The following TMPRSS15 variants were observed in gnomAD, a reference collection of about 807,000 sequenced individuals.
The protein encoded by TMPRSS15 is enteropeptidase.
Under a neutral mutation model 125.3 loss-of-function variants are expected in TMPRSS15, and 128 were observed. The ratio of observed to expected loss-of-function variants is 1.02; its 90% CI spans 0.89 to 1.18. TMPRSS15 has a LOEUF of 1.18. TMPRSS15 is among the 50% of genes most tolerant of loss of function. The probability of loss-of-function intolerance (pLI) is 0.00; values close to 1 mark genes in which losing one functional copy is unlikely to be tolerated. For missense variants in TMPRSS15, 1,283 were observed against 1,212.7 expected, an observed-to-expected ratio of 1.06 and a Z score of -0.86; for synonymous variants, 446 against 423.2, an observed-to-expected ratio of 1.05 and a Z score of -0.66.
intron 1 of TMPRSS15, among the ~76,000 whole-genome samples, chr21:18,440,372 C>CAAAAAAAAAAAAAAAAAAAAA (rs539968323): frequency 1.1e-4 from 5 of 47,428 alleles, no homozygotes; most frequent in African/African-American, 3.3e-4. Context: ...AACTCCGTCT[C>CAAAAAAAAAAAAAAAAAAAAA]AAAAAAAAAA....
At chr21:18,326,679 A>T (rs2075294834) in intron 15 of TMPRSS15, 107 bp from the exon 16 acceptor site, 1 of 1,322,772 alleles carries the variant, frequency 7.6e-7, no homozygotes, top group East Asian at 2.3e-5. Context: ...TACATGTTAC[A>T]TGGCTCGCTC....
chr21:18,345,382 C>A (rs1333116114), intron 10 of TMPRSS15, among the ~76,000 whole-genome samples: 1 of 152,040 alleles, frequency 6.6e-6, no homozygotes, highest in Non-Finnish European at 1.5e-5. Flanking sequence ...TGCACAACTC[C>A]AAATCGCTTT....
At chr21:18,475,373 T>G (rs1477055985) in intron 1 of TMPRSS15, among the ~76,000 whole-genome samples, 1 of 152,156 alleles carries the variant, frequency 6.6e-6, no homozygotes. Flanking sequence ...GAGGATTGCT[T>G]GAGGCCACAC....
chr21:18,375,062 G>C (rs941252927), intron 5 of TMPRSS15, among the ~76,000 whole-genome samples: 1 of 152,078 alleles, frequency 6.6e-6, no homozygotes, highest in African/African-American at 2.4e-5. Flanking sequence ...TGGAATATTA[G>C]GTATTGTTTT....
intron 1 of TMPRSS15, among the ~76,000 whole-genome samples, chr21:18,460,362 C>A (rs1293527712): frequency 1.4e-5 from 2 of 142,730 alleles, no homozygotes; most frequent in African/African-American, 3.0e-5. Flanking sequence ...TTTTTTCTTT[C>A]TCGAGTGGAA....
chr21:18,426,378 G>A (rs1012153753), intron 1 of TMPRSS15, among the ~76,000 whole-genome samples: 3 of 152,104 alleles, frequency 2.0e-5, no homozygotes, highest in South Asian at 2.1e-4. Context: ...AAGCTCTCAC[G>A]TAAAATACTG....
At chr21:18,371,621 A>G (rs1451668054) in intron 6 of TMPRSS15, among the ~76,000 whole-genome samples, 1 of 152,188 alleles carries the variant, frequency 6.6e-6, no homozygotes, top group Non-Finnish European at 1.5e-5. Flanking sequence ...TGAAACACAG[A>G]AGTTTTACTT....
Position 18,402,618 on chromosome 21 carries a change from A to G in TMPRSS15, c.145+860T>C, listed in dbSNP as rs564276911. ...AAATGTAAAAAATTGTTTTTAAGAG[A>G]AAATAAACTGTTAATACGTAGGTTA... On this transcript the variant is annotated intron_variant, in intron 1 of 24. Coordinates refer to ENST00000284885, the MANE Select transcript of TMPRSS15 (RefSeq NM_002772.3). 3.3e-5 allele frequency among the ~76,000 whole-genome samples: 5 copies of G among 152,204 alleles called. No homozygotes were observed. In the East Asian group the frequency reaches 7.7e-4, roughly 23 times the overall value.
At chr21:18,404,396 A>T (rs1284865172), upstream of TMPRSS15, among the ~76,000 whole-genome samples, 1 of 152,212 alleles carries the variant, frequency 6.6e-6, no homozygotes, top group Non-Finnish European at 1.5e-5. Context: ...CTAAGAAAAT[A>T]GTCTGGGTGG....
intron 1 of TMPRSS15, among the ~76,000 whole-genome samples, chr21:18,475,483 T>C (rs1978862638): frequency 6.6e-6 from 1 of 150,656 alleles, no homozygotes; most frequent in African/African-American, 2.5e-5. Flanking sequence ...TCCCAGCTAC[T>C]CAGTAGTCCG....
intron 16 of TMPRSS15, among the ~76,000 whole-genome samples, chr21:18,317,804 C>CATCCTATCCT (rs1569004095): frequency 1.4e-4 from 6 of 43,092 alleles, no homozygotes; most frequent in African/African-American, 4.8e-4. Flanking sequence ...CATCCCATCC[C>CATCCTATCCT]ATCCCATCCC....
At chr21:18,374,540 C>G (rs1428480846) in intron 5 of TMPRSS15, among the ~76,000 whole-genome samples, 1 of 144,854 alleles carries the variant, frequency 6.9e-6, no homozygotes, top group African/African-American at 2.5e-5. Flanking sequence ...ATGAGTCTCA[C>G]TAACATAGAT....
chr21:18,388,448 C>G (rs2123079452), intron 3 of TMPRSS15, among the ~76,000 whole-genome samples: 2 of 152,248 alleles, frequency 1.3e-5, no homozygotes, highest in Middle Eastern at 3.4e-3. Context: ...CTATATTCAT[C>G]AAATTTTCCC....
chr21:18,365,581 T>TCTC (rs36139589), intron 6 of TMPRSS15, among the ~76,000 whole-genome samples: 15,950 of 134,340 alleles, frequency 0.12, 1,716 homozygotes, highest in Non-Finnish European at 0.17. Context: ...TCTTTCTCTC[T>TCTC]TTTTCCTTCC....
chr21:18,398,617 G>A (rs753489204), intron 1 of TMPRSS15, among the ~76,000 whole-genome samples: 46 of 151,766 alleles, frequency 3.0e-4, no homozygotes, highest in Non-Finnish European at 5.9e-4. Flanking sequence ...CATTATTATT[G>A]TTATTGAGAT....
intron 12 of TMPRSS15, among the ~76,000 whole-genome samples, chr21:18,342,077 G>GTGT (rs1172419173): frequency 2.0e-5 from 3 of 152,144 alleles, no homozygotes; most frequent in African/African-American, 7.2e-5. Context: ...TTCACCCAGG[G>GTGT]TGTTGATGTG....
chr21:18,373,206 T>A (rs1311619194), intron 5 of TMPRSS15, among the ~76,000 whole-genome samples: 1 of 152,094 alleles, frequency 6.6e-6, no homozygotes, highest in East Asian at 1.9e-4. Context: ...CTCTATAAAA[T>A]TAATTGGAAA....
intron 1 of TMPRSS15, among the ~76,000 whole-genome samples, chr21:18,484,205 G>A (rs1171793076): frequency 6.6e-6 from 1 of 151,774 alleles, no homozygotes; most frequent in Non-Finnish European, 1.5e-5. Flanking sequence ...CAAGTCAGAC[G>A]ATGTATGTAC....
intron 21 of TMPRSS15, among the ~76,000 whole-genome samples, chr21:18,287,800 T>C (rs529666939): frequency 1.2e-4 from 19 of 152,328 alleles, no homozygotes; most frequent in Middle Eastern, 3.4e-3. Context: ...TACAGTAAGA[T>C]AGTATTAACT....
Sources: allele counts gnomAD v4.1 joint callset (sites outside exome capture counted in the v4.1 genomes callset), GRCh38; gene constraint gnomAD v4.1.1; transcripts MANE v1.5; gene names NCBI Gene and HGNC (gene_info 2026-07-23, HGNC 2026-07-21).